The following ANKIB1 variants were observed in gnomAD, a reference collection of about 807,000 sequenced individuals.
ANKIB1 encodes the protein ankyrin repeat and IBR domain containing 1, also known as ankyrin repeat and IBR domain-containing protein 1.
Under a neutral mutation model 122.1 loss-of-function variants are expected in ANKIB1, and 43 were observed. The observed-to-expected ratio is 0.35, with a 90% CI of 0.28 to 0.45. The LOEUF (loss-of-function observed/expected upper bound fraction) is 0.45, where lower values mean the gene tolerates loss of function less well. ANKIB1 is among the 20% of genes least tolerant of loss of function. The pLI is 1.00. For synonymous variants in ANKIB1, 390 were observed against 442.0 expected, an observed-to-expected ratio of 0.88 and a Z score of 1.48; for missense variants, 992 against 1,329.5, an observed-to-expected ratio of 0.75 and a Z score of 3.95.
chr7:92,291,381 AT>A (rs1802242454), intron 1 of ANKIB1, among the ~76,000 whole-genome samples: 1 of 152,022 alleles, frequency 6.6e-6, no homozygotes. Context: ...CCCTGGTGTG[AT>A]TATTATGCAT....
chr7:92,398,885 C>T lies in ANKIB1; in HGVS notation c.3206C>T (p.Ser1069Leu). ...GAGGCAGCCAACAGAGGAGATGGTT[C>T]AGATGTTTCAAGTCAAACACCTCAA... is the stretch of plus-strand genomic sequence containing the variant. ...GNEAANRGDG[S>L]DVSSQTPQTS... The change falls in exon 20 of 20, where the codon TCA becomes TTA. Residue 1069 changes from serine to leucine, a missense_variant. Physicochemically the swap from Ser to Leu is moderately radical, Grantham distance 145 (BLOSUM62 -2). Around this residue, in one of 4 missense-constraint regions of ANKIB1, gnomAD observed 384 missense variants for 412.0 expected, o/e 0.93. Transcript: ENST00000265742. 6.2e-7 allele frequency: 1 copy of T among 1,605,104 alleles called. No homozygotes were observed. Among genetic ancestry groups the T allele is most frequent in the Non-Finnish European group, 8.5e-7 (1 of 1,175,538 alleles).
intron 10 of ANKIB1, among the ~76,000 whole-genome samples, chr7:92,371,050 T>C (rs1327334805): frequency 1.3e-5 from 2 of 152,352 alleles, no homozygotes; most frequent in East Asian, 3.9e-4. Context: ...TGCTTTTTAC[T>C]ATGGTAAAGA....
chr7:92,271,252 T>C (rs1801784805), intron 1 of ANKIB1, among the ~76,000 whole-genome samples: 1 of 152,186 alleles, frequency 6.6e-6, no homozygotes, highest in Non-Finnish European at 1.5e-5. Flanking sequence ...TTTTGCTCCA[T>C]TGTCAAAAAT....
chr7:92,315,104 CCTG>C (rs1802768229), intron 3 of ANKIB1, among the ~76,000 whole-genome samples: 1 of 151,886 alleles, frequency 6.6e-6, no homozygotes, highest in South Asian at 2.1e-4. Flanking sequence ...ATTCTCTATA[CCTG>C]CTATCACATC....
chr7:92,275,899 G>A (rs1439648423), intron 1 of ANKIB1, among the ~76,000 whole-genome samples: 1 of 152,072 alleles, frequency 6.6e-6, no homozygotes, highest in Non-Finnish European at 1.5e-5. Flanking sequence ...ACCTGTTATA[G>A]GAGTTATCCT....
rs779827405 is a variant in ANKIB1, at chr7:92,398,201, T to C, written c.2533-11T>C. ...CAAATTTTAAAGTGGTTTTGCTTTCTGTTGCTTCAGGCTCTGAGTTCCTTG... is the reference window on the plus strand; with the variant it reads ...CAAATTTTAAAGTGGTTTTGCTTTCCGTTGCTTCAGGCTCTGAGTTCCTTG... On this transcript the variant is annotated splice_polypyrimidine_tract_variant and intron_variant, in intron 19 of 19. Coordinates refer to ENST00000265742, the MANE Select transcript of ANKIB1 (RefSeq NM_019004.2). The C allele has an allele frequency of 4.7e-5, 73 of 1,557,384 alleles. No individual in the cohort carries two copies. Among genetic ancestry groups the C allele is most frequent in the Non-Finnish European group, 6.1e-5 (70 of 1,156,074 alleles).
chr7:92,306,966 A>G (rs1349639327), intron 2 of ANKIB1, among the ~76,000 whole-genome samples: 2 of 152,190 alleles, frequency 1.3e-5, no homozygotes, highest in African/African-American at 2.4e-5. Flanking sequence ...AGAAGAATTA[A>G]AAATTAGTGT....
At chr7:92,289,207 G>T (rs558441986) in intron 1 of ANKIB1, among the ~76,000 whole-genome samples, 6 of 152,278 alleles carry the variant, frequency 3.9e-5, no homozygotes, top group South Asian at 2.1e-4. Context: ...ATTGATTTAT[G>T]TATCAACATG....
Position 92,386,758 on chromosome 7 carries a change from T to C in ANKIB1, c.1752+115T>C, listed in dbSNP as rs186420777. 63 of 993,028 alleles carry C rather than the reference T, an allele frequency of 6.3e-5. No homozygotes were observed. In the East Asian group the frequency reaches 1.9e-3, roughly 31 times the overall value. The allele number at this position is 993,028 out of a possible 1,614,324, so 61.5% of individuals were successfully genotyped here. On this transcript the variant is annotated intron_variant, in intron 12 of 19. Coordinates refer to ENST00000265742, the MANE Select transcript of ANKIB1 (RefSeq NM_019004.2). The stretch of plus-strand genomic sequence containing the variant: ...ATAAAGTATTAAATTGAATATACTT[T>C]ATTATAGCCTTTAATTTCAACAAAA...
intron 15 of ANKIB1, 43 bp downstream of exon 15, chr7:92,390,159 G>T: frequency 1.4e-6 from 2 of 1,408,782 alleles, no homozygotes; most frequent in African/African-American, 1.5e-5. Context: ...CAGTTATTAT[G>T]AAATACAGAA....
chr7:92,316,423 C>A (rs1802794980), intron 3 of ANKIB1, among the ~76,000 whole-genome samples: 1 of 152,206 alleles, frequency 6.6e-6, no homozygotes, highest in Non-Finnish European at 1.5e-5. Context: ...TTAACACATT[C>A]TTCTCAATGT....
intron 1 of ANKIB1, among the ~76,000 whole-genome samples, chr7:92,262,529 G>A (rs187070778): frequency 6.6e-6 from 1 of 152,200 alleles, no homozygotes; most frequent in African/African-American, 2.4e-5. Flanking sequence ...TTAATCAAAT[G>A]GAGAAATGTT....
rs1562803071 is a variant in ANKIB1, at chr7:92,398,196, CT to C, written c.2533-13del. On this transcript the variant is annotated splice_polypyrimidine_tract_variant and intron_variant, in intron 19 of 19. Transcript: ENST00000265742. Reference sequence around the variant, plus strand: ...TCAGTCAAATTTTAAAGTGGTTTTGCTTTCTGTTGCTTCAGGCTCTGAGTTC... The same window carrying C: ...TCAGTCAAATTTTAAAGTGGTTTTGCTTCTGTTGCTTCAGGCTCTGAGTTC... The C allele has an allele frequency of 6.5e-7, 1 of 1,549,906 alleles. No individual in the cohort carries two copies. The highest frequency in any genetic ancestry group is 8.7e-7 in the Non-Finnish European group (1 of 1,152,948).
intron 8 of ANKIB1, among the ~76,000 whole-genome samples, 192 bp from the exon 9 acceptor site, chr7:92,352,284 C>T (rs1414672796): frequency 6.6e-6 from 1 of 152,084 alleles, no homozygotes; most frequent in Non-Finnish European, 1.5e-5. Flanking sequence ...AAGTTAATTG[C>T]CACTTTCCCC....
In ANKIB1 at chr7:92,319,338, A is replaced by G; in HGVS notation, c.495A>G (p.Val165=). 2 of 1,560,704 alleles carry G rather than the reference A, an allele frequency of 1.3e-6. No individual in the cohort carries two copies. Among genetic ancestry groups the G allele is most frequent in the Non-Finnish European group, 1.7e-6 (2 of 1,156,708 alleles). The change falls in exon 4 of 20, where the codon GTA becomes GTG. Residue 165 remains valine (V), a synonymous_variant. Transcript: ENST00000265742. The part of the protein sequence containing the change: ...SGMKACVELL[V]KHGGDLFAEN... ...AAAAAAAACTTTTTTAGCTTTTAGT[A>G]AAACATGGAGGAGACTTGTTTGCTG...
chr7:92,327,897 C>A lies in ANKIB1; in HGVS notation c.784C>A (p.His262Asn). The stretch of plus-strand genomic sequence containing the variant: ...TACTGCTGAAGCTTTACTTCGAGCT[C>A]ATGGTAATGAAAGAAATGTCTTATG... ...LFTAEALLRA[H>N]DWDREKLLEA... Residue 262 changes from histidine to asparagine, a missense_variant, in exon 5 of 20, where the codon CAT (histidine) becomes AAT (asparagine). Physicochemically the swap from His to Asn is moderately conservative, Grantham distance 68. Coordinates refer to ENST00000265742, the MANE Select transcript of ANKIB1 (RefSeq NM_019004.2). 1 of 1,568,452 alleles carries A rather than the reference C, an allele frequency of 6.4e-7. No individual in the cohort carries two copies. Among genetic ancestry groups the A allele is most frequent in the South Asian group, 1.2e-5 (1 of 82,342 alleles).
At chr7:92,292,012 A>G (rs941028431) in intron 1 of ANKIB1, among the ~76,000 whole-genome samples, 14 of 152,126 alleles carry the variant, frequency 9.2e-5, no homozygotes, top group African/African-American at 2.9e-4. Flanking sequence ...CCTGTTTGGT[A>G]CTCCAGTACT....
In ANKIB1 at chr7:92,308,999, C is replaced by G. The variant is rs1302825316; in HGVS notation, c.486+1343C>G. Among the ~76,000 whole-genome samples the G allele has an allele frequency of 2.0e-5, 3 of 151,950 alleles. No homozygotes were observed. The South Asian group carries it at 6.2e-4, about 32-fold the overall frequency. On this transcript the variant is annotated intron_variant, in intron 3 of 19. Coordinates refer to ENST00000265742, the MANE Select transcript of ANKIB1 (RefSeq NM_019004.2). ...TAGACTTCTAAGTAGATCAATATAC[C>G]AAAAATATGAATGTTCATTTTCTTA...
chr7:92,262,179 C>T (rs1003427316), intron 1 of ANKIB1, among the ~76,000 whole-genome samples: 16 of 152,186 alleles, frequency 1.1e-4, no homozygotes, highest in African/African-American at 3.6e-4. Flanking sequence ...TTAACTCCCT[C>T]CTAAATGTAA....
Sources: allele counts gnomAD v4.1 joint callset (sites outside exome capture counted in the v4.1 genomes callset), GRCh38; gene constraint gnomAD v4.1.1; regional missense constraint gnomAD v4.1.1; transcripts MANE v1.5; gene names NCBI Gene and HGNC (gene_info 2026-07-23, HGNC 2026-07-21).